Variants in IGF2 observed in about 807,000 individuals in gnomAD.
IGF2 encodes the protein insulin-like growth factor 2.
A neutral mutation model predicts 12.0 loss-of-function variants in IGF2; 2 were observed. That is an observed-to-expected ratio of 0.17 (90% confidence interval 0.07 to 0.52). The LOEUF is 0.52. IGF2 is among the 20% of genes least tolerant of loss of function. The pLI, the probability that IGF2 is intolerant of heterozygous loss-of-function variation, is 0.95. For synonymous variants in IGF2, 105 were observed against 110.1 expected (o/e 0.95, Z 0.29); for missense variants, 211 against 268.0 (o/e 0.79, Z 1.48).
Position 2,138,878 on chromosome 11 carries a change from G to A in IGF2, c.-656C>T, listed in dbSNP as rs1859312997. On this transcript the variant is annotated 5_prime_UTR_variant, in exon 1 of 4. Transcript: ENST00000416167. The stretch of plus-strand genomic sequence containing the variant: ...CGGGGGAGGCGGTGACTGGGGGGCG[G>A]AGTGGAGGCTGCACCCGGACCGCGG... 1 of 982,826 alleles carries A rather than the reference G, an allele frequency of 1.0e-6. No homozygotes were observed. The highest frequency in any genetic ancestry group is 1.2e-6 in the Non-Finnish European group (1 of 827,900). The allele number at this position is 982,826 out of a possible 1,614,324, so 60.9% of individuals were successfully genotyped here. A position where few individuals can be genotyped will look rare whatever the true frequency, so the allele number is the denominator to read the frequency against.
chr11:2,140,863 G>T, upstream of IGF2: 1 of 358,114 alleles, frequency 2.8e-6, no homozygotes, highest in South Asian at 2.0e-5. Context: ...TCACCGCGAA[G>T]CTGGAGGCTG....
rs547087928 is a variant in IGF2 at position 2,133,409 on chromosome 11, G to C, written c.306+108C>G. ...GCCACACAGCAAGCAAGGAAGTCAC[G>C]GGTCCTTGTCCCTGGCCAAGAGGTC... On this transcript the variant is annotated intron_variant, in intron 3 of 3. Transcript: ENST00000416167. This position sits in a 1 kb window ranked among gnomAD's most constrained non-coding sequence, Gnocchi z 8.9. 3 of 1,284,080 alleles carry C rather than the reference G, an allele frequency of 2.3e-6. No individual in the cohort carries two copies. 79.5% of individuals were successfully genotyped at this position (1,284,080 alleles called of 1,614,324 possible).
In IGF2 at chr11:2,135,077, C is replaced by T. The variant is rs114075440; in HGVS notation, c.157+290G>A. On this transcript the variant is annotated intron_variant, in intron 2 of 3. Coordinates refer to ENST00000416167, the MANE Select transcript of IGF2 (RefSeq NM_000612.6). ...CGGTGCCTCAGGAGCAGGAGCCTCA[C>T]GGCCCCCAACAGAAATTCTGATGCC... Among the ~76,000 whole-genome samples, 1,000 of 152,340 alleles carry T rather than the reference C, an allele frequency of 6.6e-3. 3 individuals carry two copies. Among genetic ancestry groups the T allele is most frequent in the Non-Finnish European group, 8.0e-3 (542 of 68,030 alleles).
At position 2,133,026 on chromosome 11, in the gene IGF2, G is replaced by T; in HGVS notation, c.504C>A (p.His168Gln). 1.3e-6 allele frequency: 2 copies of T among 1,559,114 alleles called. No homozygotes were observed. Among genetic ancestry groups the T allele is most frequent in the Non-Finnish European group, 1.7e-6 (2 of 1,152,654 alleles). ...LIALPTQDPA[H>Q]GGAPPEMASN... ...TGGCCATCTCTGGGGGGGCGCCCCC[G>T]TGGGCGGGGTCTTGGGTGGGTAGAG... Residue 168 changes from histidine to glutamine, a missense_variant, in exon 4 of 4, where the codon CAC (histidine) becomes CAA (glutamine). Physicochemically the swap from His to Gln is conservative, Grantham distance 24. Transcript: ENST00000416167. The surrounding 1 kb of genome is among the most constrained non-coding windows in gnomAD (Gnocchi z 8.9).
upstream of IGF2, chr11:2,139,497 C>G (rs990217788): frequency 6.8e-6 from 1 of 146,432 alleles, no homozygotes; most frequent in Non-Finnish European, 1.5e-5. Flanking sequence ...CCCGCGGAGC[C>G]CTCGCCCCGC....
the IGF2 span, chr11:2,149,098 C>A: frequency 6.3e-7 from 1 of 1,598,532 alleles, no homozygotes; most frequent in South Asian, 1.1e-5. Context: ...GCTTTTCTCT[C>A]ACACTCAAGG....
At chr11:2,142,846 A>G (rs1358438715), upstream of IGF2, among the ~76,000 whole-genome samples, 5 of 152,160 alleles carry the variant, frequency 3.3e-5, no homozygotes, top group African/African-American at 1.2e-4. This position sits in a 1 kb window ranked among gnomAD's most constrained non-coding sequence, Gnocchi z 5.7. Flanking sequence ...TGTAGCCCAG[A>G]GGGACCCGGG....
chr11:2,138,582 CGAGGGG>C lies in IGF2; in HGVS notation c.-366_-361del. ...TGAAAGGGGGGGGCCGAAGAGAGGG[CGAGGGG>C]GAGAGAGGACAGCGAGAGGCGGGCA... On this transcript the variant is annotated 5_prime_UTR_variant, in exon 1 of 4. Transcript: ENST00000416167. The C allele has an allele frequency of 1.2e-6, 1 of 846,092 alleles. No individual in the cohort carries two copies. The highest frequency in any genetic ancestry group is 1.4e-6 in the Non-Finnish European group (1 of 718,594). 52.4% of individuals were successfully genotyped at this position (846,092 alleles called of 1,614,324 possible). A position where few individuals can be genotyped will look rare whatever the true frequency, so the allele number is the denominator to read the frequency against.
chr11:2,133,588 G>C lies in IGF2; in HGVS notation c.235C>G (p.Leu79Val). The C allele has an allele frequency of 6.2e-7, 1 of 1,613,080 alleles. No individual in the cohort carries two copies. The highest frequency in any genetic ancestry group is 1.1e-5 in the South Asian group (1 of 91,070). Reference sequence around the variant, plus strand: ...GGGGTAGCACAGTACGTCTCCAGGAGGGCCAGGTCACAGCTGCGGAAACAG... The same window carrying C: ...GGGGTAGCACAGTACGTCTCCAGGACGGCCAGGTCACAGCTGCGGAAACAG... ...ECCFRSCDLA[L>V]LETYCATPAK... The change falls in exon 3 of 4, where the codon CTC becomes GTC. Residue 79 changes from leucine (L) to valine (V), a missense_variant. Coordinates refer to ENST00000416167, the MANE Select transcript of IGF2 (RefSeq NM_000612.6). The surrounding 1 kb of genome is among the most constrained non-coding windows in gnomAD (Gnocchi z 8.9).
the IGF2 span, chr11:2,146,416 G>T: frequency 1.9e-6 from 1 of 533,814 alleles, no homozygotes; most frequent in South Asian, 1.4e-5. Context: ...GGACACACTC[G>T]CTGGCGTCAG....
rs1234900046 is a variant in IGF2, at chr11:2,132,673, G to A, written c.*314C>T. On this transcript the variant is annotated 3_prime_UTR_variant, in exon 4 of 4. Transcript: ENST00000416167. ...GGGTTGTTGTGGGGGGGGGGGAAGG[G>A]GGTTAGTTTAATGTTTTGATTTTTT... is the stretch of plus-strand genomic sequence containing the variant. 3 of 236,290 alleles carry A rather than the reference G, an allele frequency of 1.3e-5. No individual in the cohort carries two copies. The highest frequency in any genetic ancestry group is 2.4e-5 in the Non-Finnish European group (3 of 126,268). The allele number at this position is 236,290 out of a possible 1,614,324, so 14.6% of individuals were successfully genotyped here. A position where few individuals can be genotyped will look rare whatever the true frequency, so the allele number is the denominator to read the frequency against.
chr11:2,138,174 G>C (rs1361756307), intron 1 of IGF2, 55 bp downstream of exon 1: 2 of 973,528 alleles, frequency 2.1e-6, no homozygotes, highest in South Asian at 4.7e-5. Flanking sequence ...GGCGTCCGGC[G>C]CAAGCCCGCG....
At chr11:2,140,757 C>A, upstream of IGF2, 1 of 329,352 alleles carries the variant, frequency 3.0e-6, no homozygotes. Flanking sequence ...CCGGCGGCAG[C>A]CGGAGACGAG....
Position 2,133,650 on chromosome 11 carries a change from C to G in IGF2, c.173G>C (p.Arg58Pro). The G allele has an allele frequency of 6.2e-7, 1 of 1,612,956 alleles. No individual in the cohort carries two copies. ...RGFYFSRPAS[R>P]VSRRSRGIVE... ...GATGCCACGGCTGCGACGGCTCACA[C>G]GGCTTGCGGGCCTGCCTGGAAGTCC... The change falls in exon 3 of 4, where the codon CGT becomes CCT. Residue 58 changes from arginine to proline, a missense_variant. Arg to Pro is a moderately radical substitution (Grantham distance 103). Coordinates refer to ENST00000416167, the MANE Select transcript of IGF2 (RefSeq NM_000612.6). This position sits in a 1 kb window ranked among gnomAD's most constrained non-coding sequence, Gnocchi z 8.9.
At chr11:2,147,513 G>A in the IGF2 span, 58 of 779,014 alleles carry the variant, frequency 7.4e-5, no homozygotes, top group Middle Eastern at 4.2e-4. The surrounding 1 kb of genome is among the most constrained non-coding windows in gnomAD (Gnocchi z 7.2). Context: ...GAAGACTCCC[G>A]CGCAGAGCCT....
In IGF2 at chr11:2,133,781, G is replaced by A; in HGVS notation, c.158-116C>T. ...TCAGGCCAGGCCCTGGAAGGACGCAGCCACCCTGCGGGTCAGGGGAGGGAA... is the reference window on the plus strand; with the variant it reads ...TCAGGCCAGGCCCTGGAAGGACGCAACCACCCTGCGGGTCAGGGGAGGGAA... On this transcript the variant is annotated intron_variant, in intron 2 of 3. Coordinates refer to ENST00000416167, the MANE Select transcript of IGF2 (RefSeq NM_000612.6). This position sits in a 1 kb window ranked among gnomAD's most constrained non-coding sequence, Gnocchi z 8.9. 7.8e-7 allele frequency: 1 copy of A among 1,282,666 alleles called. No individual in the cohort carries two copies. Among genetic ancestry groups the A allele is most frequent in the South Asian group, 1.4e-5 (1 of 72,940 alleles). The allele number at this position is 1,282,666 out of a possible 1,614,324, so 79.5% of individuals were successfully genotyped here. A position where few individuals can be genotyped will look rare whatever the true frequency, so the allele number is the denominator to read the frequency against.
chr11:2,137,999 C>A (rs1051044906), intron 1 of IGF2, among the ~76,000 whole-genome samples: 2 of 152,140 alleles, frequency 1.3e-5, no homozygotes, highest in African/African-American at 4.8e-5. Flanking sequence ...TCCCGACGCC[C>A]CCACCCCACC....
At chr11:2,141,568 C>A (rs553371832), upstream of IGF2, among the ~76,000 whole-genome samples, 18 of 152,276 alleles carry the variant, frequency 1.2e-4, no homozygotes, top group South Asian at 3.7e-3. Flanking sequence ...AGCCATATTA[C>A]GTAAAATTGG....
upstream of IGF2, among the ~76,000 whole-genome samples, chr11:2,145,749 C>T (rs1176434267): frequency 6.6e-6 from 1 of 152,130 alleles, no homozygotes; most frequent in Non-Finnish European, 1.5e-5. Context: ...CCCCCTCCCT[C>T]GTGGGGCTGC....
Sources: allele counts gnomAD v4.1 joint callset (sites outside exome capture counted in the v4.1 genomes callset), GRCh38; gene constraint gnomAD v4.1.1; non-coding constraint Gnocchi (gnomAD v3.1); transcripts MANE v1.5; gene names NCBI Gene and HGNC (gene_info 2026-07-23, HGNC 2026-07-21).